Variants in LDLRAD3 observed in about 807,000 individuals in gnomAD.
LDLRAD3 encodes low density lipoprotein receptor class A domain containing 3.
Under a neutral mutation model 29.4 loss-of-function variants are expected in LDLRAD3, and 20 were observed. The ratio of observed to expected loss-of-function variants is 0.68; its 90% CI spans 0.48 to 0.99. The LOEUF (loss-of-function observed/expected upper bound fraction) is 0.99, where lower values mean the gene tolerates loss of function less well. Ranked by LOEUF, LDLRAD3 falls within the 50% of genes least tolerant of loss-of-function variation. The pLI, the probability that LDLRAD3 is intolerant of heterozygous loss-of-function variation, is 0.00. For synonymous variants in LDLRAD3, 157 were observed against 192.7 expected (o/e 0.81, Z 1.53); for missense variants, 420 against 454.3 (o/e 0.92, Z 0.69).
chr11:35,991,224 A>T (rs1851684685), intron 1 of LDLRAD3, among the ~76,000 whole-genome samples: 1 of 152,162 alleles, frequency 6.6e-6, no homozygotes, highest in African/African-American at 2.4e-5. Context: ...GATTTTGTCT[A>T]ACTTAGCCTA....
chr11:36,147,645 A>G (rs1029361781), intron 4 of LDLRAD3, among the ~76,000 whole-genome samples: 2 of 152,206 alleles, frequency 1.3e-5, no homozygotes, highest in African/African-American at 4.8e-5. Flanking sequence ...GTTATTAACA[A>G]TTCCTAAAAC....
At chr11:36,164,088 T>C (rs184302177) in intron 4 of LDLRAD3, among the ~76,000 whole-genome samples, 4 of 152,258 alleles carry the variant, frequency 2.6e-5, no homozygotes, top group African/African-American at 9.6e-5. Flanking sequence ...TTCCAGCCTC[T>C]TACCACTGCC....
intron 4 of LDLRAD3, chr11:36,110,044 C>G (rs563379033): frequency 1.3e-5 from 2 of 152,158 alleles, no homozygotes; most frequent in Non-Finnish European, 2.9e-5. Flanking sequence ...TGACTCCATT[C>G]GAAGAAACTG....
At chr11:36,178,321 C>T (rs749819973) in intron 4 of LDLRAD3, among the ~76,000 whole-genome samples, 2 of 152,214 alleles carry the variant, frequency 1.3e-5, no homozygotes, top group East Asian at 3.8e-4. Context: ...CAGTTTCCCA[C>T]TGTTCCCCTC....
chr11:36,201,783 C>A (rs1434518615), intron 4 of LDLRAD3, among the ~76,000 whole-genome samples: 6 of 152,190 alleles, frequency 3.9e-5, no homozygotes, highest in Non-Finnish European at 8.8e-5. Flanking sequence ...ACAAATAGTA[C>A]CCCAAAATAT....
At position 36,166,827 on chromosome 11, in the gene LDLRAD3, A is replaced by C. The variant is rs374433830; in HGVS notation, c.455-60258A>C. On this transcript the variant is annotated intron_variant, in intron 4 of 5. Coordinates refer to ENST00000315571, the MANE Select transcript of LDLRAD3 (RefSeq NM_174902.4). ...GTAGGTCCAGGATGGGGCCAGAGAG[A>C]ATGCATGTCTGTCAAATTCCCAGGA... 2.6e-5 allele frequency among the ~76,000 whole-genome samples: 4 copies of C among 152,282 alleles called. No homozygotes were observed. In the East Asian group the frequency reaches 5.8e-4, roughly 22 times the overall value.
intron 2 of LDLRAD3, among the ~76,000 whole-genome samples, chr11:36,070,848 C>T (rs998917365): frequency 2.6e-5 from 4 of 152,114 alleles, no homozygotes; most frequent in African/African-American, 9.7e-5. Context: ...GTAGGACAGT[C>T]CTAAGAGCGA....
intron 1 of LDLRAD3, among the ~76,000 whole-genome samples, chr11:35,952,219 C>T (rs965364399): frequency 2.6e-5 from 4 of 152,178 alleles, no homozygotes; most frequent in Admixed American, 6.5e-5. Context: ...CGTGGGTCTG[C>T]GTGACTTAGA....
At chr11:36,130,163 A>T (rs1729995006) in intron 4 of LDLRAD3, among the ~76,000 whole-genome samples, 1 of 152,204 alleles carries the variant, frequency 6.6e-6, no homozygotes. Context: ...AAGTGTGATG[A>T]TTCGTGTAAG....
chr11:36,062,542 T>G (rs1160104003), intron 2 of LDLRAD3, among the ~76,000 whole-genome samples: 2 of 152,154 alleles, frequency 1.3e-5, no homozygotes, highest in African/African-American at 4.8e-5. Flanking sequence ...CTGACATGGT[T>G]TGGCTGTGTC....
intron 2 of LDLRAD3, among the ~76,000 whole-genome samples, chr11:36,079,701 A>G (rs771782928): frequency 5.9e-5 from 9 of 152,222 alleles, no homozygotes; most frequent in Non-Finnish European, 1.2e-4. Flanking sequence ...GGGCTGGAGA[A>G]AAGTTTTATA....
intron 1 of LDLRAD3, among the ~76,000 whole-genome samples, chr11:35,971,662 G>A (rs1349184823): frequency 1.3e-5 from 2 of 152,136 alleles, no homozygotes; most frequent in Non-Finnish European, 2.9e-5. Flanking sequence ...CAAGCCCCTC[G>A]GTCAGTGGCA....
intron 1 of LDLRAD3, among the ~76,000 whole-genome samples, chr11:35,948,941 C>A (rs1300805256): frequency 6.6e-6 from 1 of 152,168 alleles, no homozygotes; most frequent in East Asian, 1.9e-4. Context: ...TGCCACGTTG[C>A]CCCTAGTTGA....
chr11:36,192,597 G>T (rs1285175208), intron 4 of LDLRAD3, among the ~76,000 whole-genome samples: 1 of 152,198 alleles, frequency 6.6e-6, no homozygotes, highest in Non-Finnish European at 1.5e-5. Flanking sequence ...TCAAAGCAAA[G>T]CCACATGCAT....
chr11:35,994,719 G>A (rs774499485), intron 1 of LDLRAD3, among the ~76,000 whole-genome samples: 7 of 152,190 alleles, frequency 4.6e-5, no homozygotes, highest in Admixed American at 2.0e-4. Context: ...CAAAATTGGA[G>A]TCAGTCTTCT....
At chr11:35,988,681 T>G (rs569102900) in intron 1 of LDLRAD3, among the ~76,000 whole-genome samples, 1 of 152,188 alleles carries the variant, frequency 6.6e-6, no homozygotes, top group East Asian at 1.9e-4. Flanking sequence ...CTTCCTGGGT[T>G]CAAGCGATTC....
At chr11:36,110,125 T>C (rs1275831042) in intron 4 of LDLRAD3, 1 of 152,198 alleles carries the variant, frequency 6.6e-6, no homozygotes, top group Non-Finnish European at 1.5e-5. Context: ...ATAGAGTGTT[T>C]GCATGACAAA....
At chr11:36,027,767 A>G (rs1397296431) in intron 1 of LDLRAD3, among the ~76,000 whole-genome samples, 1 of 152,210 alleles carries the variant, frequency 6.6e-6, no homozygotes, top group Admixed American at 6.5e-5. Context: ...TTGAGGTTGT[A>G]GCAAAATCCT....
intron 2 of LDLRAD3, among the ~76,000 whole-genome samples, chr11:36,053,569 G>A (rs1852560238): frequency 6.6e-6 from 1 of 152,148 alleles, no homozygotes; most frequent in Admixed American, 6.5e-5. Flanking sequence ...CAAAGTGCTT[G>A]GTACAGTGCC....
Sources: gnomAD v4.1 joint callset for allele counts (sites outside exome capture counted in the v4.1 genomes callset) on GRCh38, gnomAD v4.1.1 for gene constraint, MANE v1.5 for transcripts, NCBI Gene and HGNC (gene_info 2026-07-23, HGNC 2026-07-21) for gene names.